Variants in ZNF766 observed in about 807,000 individuals in gnomAD.
The protein encoded by ZNF766 is zinc finger protein 766.
Under a neutral mutation model 13.2 loss-of-function variants are expected in ZNF766, and 13 were observed. That is an observed-to-expected ratio of 0.98 (90% CI 0.64 to 1.56). The LOEUF (loss-of-function observed/expected upper bound fraction) is 1.56, where lower values mean the gene tolerates loss of function less well. Among genes scored for constraint, ZNF766 ranks in the 40% most tolerant of loss-of-function variants. ZNF766 has a pLI of 0.00. For missense variants in ZNF766, 521 were observed against 552.2 expected, an observed-to-expected ratio of 0.94 and a Z score of 0.57; for synonymous variants, 178 against 187.6, an observed-to-expected ratio of 0.95 and a Z score of 0.42.
Position 52,290,190 on chromosome 19 carries a change from T to C in ZNF766, c.399T>C (p.Cys133=). Residue 133 remains cysteine, a synonymous_variant, in exon 4 of 4, where the codon TGT becomes TGC. Coordinates refer to ENST00000439461, the MANE Select transcript of ZNF766 (RefSeq NM_001010851.3). ...AAGGTGAAGGGAAGATTTATGAATG[T>C]AATCAAGTTCAAAAGTTCATCAGCC... ...IFQGEGKIYE[C]NQVQKFISHS... The C allele has an allele frequency of 6.2e-7, 1 of 1,614,076 alleles. No individual in the cohort carries two copies. The highest frequency in any genetic ancestry group is 8.5e-7 in the Non-Finnish European group (1 of 1,179,908).
At chr19:52,287,960 C>G in intron 3 of ZNF766, 1 of 418,816 alleles carries the variant, frequency 2.4e-6, no homozygotes, top group Non-Finnish European at 4.6e-6. Context: ...TGCTTCTCTG[C>G]TGTTTTCTTT....
intron 1 of ZNF766, chr19:52,281,668 A>G (rs1981528174): frequency 2.5e-6 from 1 of 401,942 alleles, no homozygotes. Flanking sequence ...TTACTCAGTT[A>G]GGTAATTGTC....
chr19:52,273,689 G>C (rs1981070919), intron 1 of ZNF766, among the ~76,000 whole-genome samples: 2 of 152,206 alleles, frequency 1.3e-5, no homozygotes, highest in Admixed American at 1.3e-4. Flanking sequence ...TAACACTCCA[G>C]CTACACCCTT....
rs1982192874 is a variant in ZNF766 at position 52,292,438 on chromosome 19, G to A, written c.*1240G>A. 1 of 437,350 alleles carries A rather than the reference G, an allele frequency of 2.3e-6. No homozygotes were observed. The highest frequency in any genetic ancestry group is 2.0e-5 in the African/African-American group (1 of 49,922). 27.1% of individuals were successfully genotyped at this position (437,350 alleles called of 1,614,324 possible). A position where few individuals can be genotyped will look rare whatever the true frequency, so the allele number is the denominator to read the frequency against. ...GACTTTAGGACACAGGGATTTTTAT[G>A]GGAAGAGAGTTCATCAGGGACTGAT... On this transcript the variant is annotated 3_prime_UTR_variant, in exon 4 of 4. Coordinates refer to ENST00000439461, the MANE Select transcript of ZNF766 (RefSeq NM_001010851.3).
chr19:52,288,348 T>C (rs552524407), intron 3 of ZNF766, among the ~76,000 whole-genome samples: 14 of 150,184 alleles, frequency 9.3e-5, no homozygotes, highest in South Asian at 6.2e-4. Flanking sequence ...TATTGAGATA[T>C]AAAGTTAGGT....
chr19:52,270,309 T>G (rs1980920898), intron 1 of ZNF766, among the ~76,000 whole-genome samples: 1 of 151,382 alleles, frequency 6.6e-6, no homozygotes, highest in Non-Finnish European at 1.5e-5. Flanking sequence ...AGAGAGAAAA[T>G]AATGAGGAAG....
chr19:52,269,699 T>G, intron 1 of ZNF766, 68 bp downstream of exon 1: 1 of 1,592,432 alleles, frequency 6.3e-7, no homozygotes, highest in Non-Finnish European at 8.6e-7. Context: ...ACCCGGGATG[T>G]GGGGGGCGGT....
At chr19:52,284,841 TGAG>T (rs1981727793) in intron 3 of ZNF766, 1 of 152,126 alleles carries the variant, frequency 6.6e-6, no homozygotes, top group African/African-American at 2.4e-5. Flanking sequence ...GACAGCCAGA[TGAG>T]GAGATTCACA....
At chr19:52,271,127 CAG>C (rs1980955608) in intron 1 of ZNF766, among the ~76,000 whole-genome samples, 1 of 152,068 alleles carries the variant, frequency 6.6e-6, no homozygotes, top group South Asian at 2.1e-4. Flanking sequence ...TCCCAGAACT[CAG>C]AGAAAATTTT....
rs1374668389 is a variant in ZNF766 at position 52,292,172 on chromosome 19, G to A, written c.*974G>A. 1.4e-6 allele frequency: 1 copy of A among 702,728 alleles called. No individual in the cohort carries two copies. The highest frequency in any genetic ancestry group is 1.7e-5 in the African/African-American group (1 of 57,262). The allele number at this position is 702,728 out of a possible 1,614,324, so 43.5% of individuals were successfully genotyped here. A position where few individuals can be genotyped will look rare whatever the true frequency, so the allele number is the denominator to read the frequency against. On this transcript the variant is annotated 3_prime_UTR_variant, in exon 4 of 4. Transcript: ENST00000439461. ...AGGCCTTTCACTGTGGTCTGGGAAA[G>A]AATCAGTAAGATGACAGGGCTGACT... is the stretch of plus-strand genomic sequence containing the variant.
At position 52,294,126 on chromosome 19, in the gene ZNF766, G is replaced by C. The variant is rs1318477016; in HGVS notation, c.*2928G>C. 1 of 152,190 alleles carries C rather than the reference G, an allele frequency of 6.6e-6. No homozygotes were observed. The highest frequency in any genetic ancestry group is 1.5e-5 in the Non-Finnish European group (1 of 68,030). The allele number at this position is 152,190 out of a possible 1,614,324, so 9.4% of individuals were successfully genotyped here. A position where few individuals can be genotyped will look rare whatever the true frequency, so the allele number is the denominator to read the frequency against. On this transcript the variant is annotated 3_prime_UTR_variant, in exon 4 of 4. Transcript: ENST00000439461. ...TTCAGGAAGCGAAAATACAGATACA[G>C]TAATATGGAAAATAGGACAAAGTGT...
rs1182911123 is a variant in ZNF766, at chr19:52,295,215, C to T, written c.*4017C>T. ...TTTTTTTTTGAGACAGAGTCTTGCT[C>T]TGTCACCCAGGCTGGAGTGCAGCGG... On this transcript the variant is annotated 3_prime_UTR_variant, in exon 4 of 4. Coordinates refer to ENST00000439461, the MANE Select transcript of ZNF766 (RefSeq NM_001010851.3). 4 of 148,196 alleles carry T rather than the reference C, an allele frequency of 2.7e-5. No homozygotes were observed. The highest frequency in any genetic ancestry group is 3.7e-3 in the Middle Eastern group (1 of 270). 9.2% of individuals were successfully genotyped at this position (148,196 alleles called of 1,614,324 possible).
At chr19:52,285,885 G>C (rs886911609) in intron 3 of ZNF766, among the ~76,000 whole-genome samples, 1 of 152,182 alleles carries the variant, frequency 6.6e-6, no homozygotes, top group Non-Finnish European at 1.5e-5. Flanking sequence ...TATACCCAAA[G>C]ACTGTAGCAA....
intron 3 of ZNF766, among the ~76,000 whole-genome samples, chr19:52,286,686 T>C (rs1981846656): frequency 6.6e-6 from 1 of 152,216 alleles, no homozygotes; most frequent in South Asian, 2.1e-4. Context: ...TTACATAGAC[T>C]AATGTTCCAA....
chr19:52,269,679 A>C, intron 1 of ZNF766, 48 bp downstream of exon 1: 1 of 1,609,338 alleles, frequency 6.2e-7, no homozygotes. Flanking sequence ...CGGTGCCCTC[A>C]CGCTTCTGTA....
rs367671546 is a variant in ZNF766, at chr19:52,285,847, G to A, written c.274+2434G>A. 2.1e-3 allele frequency among the ~76,000 whole-genome samples: 315 copies of A among 152,292 alleles called. 1 individual carries two copies. Among genetic ancestry groups the A allele is most frequent in the Non-Finnish European group, 4.0e-3 (271 of 68,022 alleles). The stretch of plus-strand genomic sequence containing the variant: ...AGGTTGGAGAGGTTATTTTTCTTAA[G>A]GTCTGCAGAGAAGGTCTAACCCAAC... On this transcript the variant is annotated intron_variant, in intron 3 of 3. Transcript: ENST00000439461.
Position 52,291,025 on chromosome 19 carries a change from A to G in ZNF766, c.1234A>G (p.Lys412Glu). The G allele has an allele frequency of 6.2e-7, 1 of 1,614,200 alleles. No individual in the cohort carries two copies. Among genetic ancestry groups the G allele is most frequent in the Non-Finnish European group, 8.5e-7 (1 of 1,180,032 alleles). The change falls in exon 4 of 4, where the codon AAA (lysine) becomes GAA (glutamate). Residue 412 changes from lysine (K) to glutamate (E), a missense_variant. Lys to Glu is a moderately conservative substitution (Grantham distance 56). Transcript: ENST00000439461. ...QKIHTGEKPY[K>E]CNECGKVFTQ... The stretch of plus-strand genomic sequence containing the variant: ...AATTCACACTGGAGAGAAACCTTAC[A>G]AATGTAATGAGTGTGGCAAAGTCTT...
chr19:52,270,652 C>T (rs1420601037), intron 1 of ZNF766, among the ~76,000 whole-genome samples: 2 of 151,674 alleles, frequency 1.3e-5, no homozygotes, highest in Non-Finnish European at 2.9e-5. Flanking sequence ...GGGGGCGTGA[C>T]AGAGAAGAGG....
chr19:52,283,247 A>G (rs1439844712), intron 2 of ZNF766, 38 bp from the exon 3 acceptor site: 3 of 1,587,922 alleles, frequency 1.9e-6, no homozygotes, highest in South Asian at 2.3e-5. Flanking sequence ...GATTTTGGAG[A>G]CATCACAGCA....
Sources: gnomAD v4.1 joint callset for allele counts (sites outside exome capture counted in the v4.1 genomes callset) on GRCh38, gnomAD v4.1.1 for gene constraint, MANE v1.5 for transcripts, NCBI Gene and HGNC (gene_info 2026-07-23, HGNC 2026-07-21) for gene names.